PTCRA: variants seen among roughly 807,000 people sequenced by gnomAD.
The protein encoded by PTCRA is pre T cell antigen receptor alpha.
In PTCRA, 9 loss-of-function variants were observed where a neutral mutation model predicts 13.4. The ratio of observed to expected loss-of-function variants is 0.67; its 90% confidence interval spans 0.41 to 1.18. The LOEUF is 1.18. Ranked by LOEUF, PTCRA falls within the 50% of genes most tolerant of loss-of-function variation. PTCRA has a pLI of 0.01. For missense variants in PTCRA, 353 were observed against 359.8 expected (o/e 0.98, Z 0.15); for synonymous variants, 153 against 161.9 (o/e 0.94, Z 0.42).
chr6:42,922,964 C>T, intron 1 of PTCRA, 63 bp from the exon 2 acceptor site: 1 of 1,495,044 alleles, frequency 6.7e-7, no homozygotes, highest in Non-Finnish European at 9.3e-7. Context: ...TAGCCTACAA[C>T]ACAATGCTGG....
intron 1 of PTCRA, among the ~76,000 whole-genome samples, chr6:42,921,412 C>CTTTT (rs59029514): frequency 8.2e-5 from 7 of 85,632 alleles, no homozygotes; most frequent in East Asian, 3.4e-4. Context: ...AACAAAGCTT[C>CTTTT]TTTTTTTTTT....
At chr6:42,919,157 G>C (rs957412681) in intron 1 of PTCRA, among the ~76,000 whole-genome samples, 12 of 151,582 alleles carry the variant, frequency 7.9e-5, no homozygotes, top group Non-Finnish European at 8.8e-5. Context: ...CACCACGCCC[G>C]GCTAATTTTT....
In PTCRA at chr6:42,916,104, TTGGG is replaced by T; in HGVS notation, c.38_41del (p.Gly13ValfsTer154). ...ACATGGCTGCTACTTCTCCTGGCCC[TTGGG>T]TGTCCAGCCCTACCCACAGGTGAGC... On this transcript the variant is annotated frameshift_variant, in exon 1 of 4. Transcript: ENST00000304672. LOFTEE classifies it high-confidence loss of function. The T allele has an allele frequency of 6.2e-7, 1 of 1,614,062 alleles. No homozygotes were observed. The highest frequency in any genetic ancestry group is 8.5e-7 in the Non-Finnish European group (1 of 1,179,928).
chr6:42,921,200 A>G (rs1354596456), intron 1 of PTCRA, among the ~76,000 whole-genome samples: 1 of 149,794 alleles, frequency 6.7e-6, no homozygotes, highest in African/African-American at 2.5e-5. Context: ...CTCTGGGTTT[A>G]AGCGATTCTC....
chr6:42,922,995 T>G, intron 1 of PTCRA, 32 bp from the exon 2 acceptor site: 1 of 1,609,162 alleles, frequency 6.2e-7, no homozygotes, highest in Non-Finnish European at 8.5e-7. Context: ...CAAAAGCTGG[T>G]CTAGCACCCA....
At position 42,925,480 on chromosome 6, in the gene PTCRA, C is replaced by T. The variant is rs1319606423; in HGVS notation, c.644C>T (p.Pro215Leu). Reference protein sequence around the residue: ...REATSSPRPQPRDRRWGDTPP... With the variant: ...REATSSPRPQLRDRRWGDTPP... The stretch of plus-strand genomic sequence containing the variant: ...GCCACCAGCTCACCCAGACCCCAGC[C>T]TCGGGACCGCCGCTGGGGTGACACC... Residue 215 changes from proline to leucine, a missense_variant, in exon 4 of 4, where the codon CCT becomes CTT. Pro to Leu is a moderately conservative substitution (Grantham distance 98). Coordinates refer to ENST00000304672, the MANE Select transcript of PTCRA (RefSeq NM_138296.3). The surrounding 1 kb of genome is among the most constrained non-coding windows in gnomAD (Gnocchi z 4.4). The T allele has an allele frequency of 1.3e-6, 2 of 1,558,354 alleles. No homozygotes were observed. The highest frequency in any genetic ancestry group is 2.4e-5 in the East Asian group (1 of 41,598).
chr6:42,922,157 T>C, intron 1 of PTCRA: 1 of 688,344 alleles, frequency 1.5e-6, no homozygotes, highest in Non-Finnish European at 2.6e-6. Context: ...TAAATCAGAC[T>C]TTTAAAAAAA....
intron 1 of PTCRA, among the ~76,000 whole-genome samples, chr6:42,921,729 T>A (rs1767177356): frequency 7.7e-6 from 1 of 129,224 alleles, no homozygotes; most frequent in Non-Finnish European, 1.6e-5. Context: ...AAAGCTTTTT[T>A]TTTCAAAAAA....
chr6:42,922,180 T>C, intron 1 of PTCRA: 1 of 690,140 alleles, frequency 1.4e-6, no homozygotes, highest in Non-Finnish European at 2.6e-6. Context: ...AACAAAAAGT[T>C]ACAGATATAT....
chr6:42,916,161 C>T (rs1766868650), intron 1 of PTCRA, 34 bp downstream of exon 1: 1 of 1,602,710 alleles, frequency 6.2e-7, no homozygotes, highest in Non-Finnish European at 8.5e-7. Context: ...CTCTGTCCCT[C>T]CTCAGTCTGC....
chr6:42,922,596 C>T (rs1000475886), intron 1 of PTCRA, among the ~76,000 whole-genome samples: 2 of 151,908 alleles, frequency 1.3e-5, no homozygotes, highest in African/African-American at 2.4e-5. Flanking sequence ...AAAAATTAGC[C>T]GGGCGCTGTG....
chr6:42,921,898 G>A (rs1364290465), intron 1 of PTCRA, among the ~76,000 whole-genome samples: 1 of 151,750 alleles, frequency 6.6e-6, no homozygotes, highest in African/African-American at 2.4e-5. Context: ...AAATGAACTG[G>A]CTTGGTGGCG....
rs1767139832 is a variant in PTCRA at position 42,921,193 on chromosome 6, T to A, written c.59-1834T>A. Among the ~76,000 whole-genome samples, 5 of 151,000 alleles carry A rather than the reference T, an allele frequency of 3.3e-5. No individual in the cohort carries two copies. In the South Asian group the frequency reaches 1.1e-3, roughly 32 times the overall value. On this transcript the variant is annotated intron_variant, in intron 1 of 3. Coordinates refer to ENST00000304672, the MANE Select transcript of PTCRA (RefSeq NM_138296.3). The stretch of plus-strand genomic sequence containing the variant: ...CTTGGCTCACTGCAACCTCCGCCTC[T>A]GGGTTTAAGCGATTCTCCTGCTTCA...
intron 2 of PTCRA, 145 bp downstream of exon 2, chr6:42,923,492 CAG>C (rs1767291540): frequency 1.3e-6 from 1 of 763,192 alleles, no homozygotes; most frequent in South Asian, 1.8e-5. Context: ...CACCTGGGCT[CAG>C]GGGAGAGTGG....
At chr6:42,924,337 T>A in intron 3 of PTCRA, 64 bp downstream of exon 3, 1 of 1,448,658 alleles carries the variant, frequency 6.9e-7, no homozygotes, top group Non-Finnish European at 9.7e-7. Flanking sequence ...GCCCGGGGGG[T>A]GGGGCCTTCA....
chr6:42,922,997 T>C (rs1158029637), intron 1 of PTCRA, 30 bp from the exon 2 acceptor site: 1 of 1,610,152 alleles, frequency 6.2e-7, no homozygotes, highest in South Asian at 1.1e-5. Context: ...AAAGCTGGTC[T>C]AGCACCCACA....
rs1180153991 is a variant in PTCRA at position 42,925,178 on chromosome 6, G to A, written c.425-83G>A. 6.0e-6 allele frequency: 9 copies of A among 1,495,038 alleles called. No homozygotes were observed. The highest frequency in any genetic ancestry group is 7.1e-6 in the Non-Finnish European group (8 of 1,124,568). 92.6% of individuals were successfully genotyped at this position (1,495,038 alleles called of 1,614,324 possible). A position where few individuals can be genotyped will look rare whatever the true frequency, so the allele number is the denominator to read the frequency against. On this transcript the variant is annotated intron_variant, in intron 3 of 3. Coordinates refer to ENST00000304672, the MANE Select transcript of PTCRA (RefSeq NM_138296.3). The surrounding 1 kb of genome is among the most constrained non-coding windows in gnomAD (Gnocchi z 4.4). ...GGGGTGAAGGGGACGGGCAAGGGCA[G>A]AGGACAAGGCCCTCTCCGCCGTTCT...
chr6:42,922,513 A>C (rs11758978), intron 1 of PTCRA, among the ~76,000 whole-genome samples: 1 of 151,804 alleles, frequency 6.6e-6, no homozygotes, highest in Admixed American at 6.6e-5. Context: ...CTTTGGGAGG[A>C]CGAGGCGGGT....
At chr6:42,922,339 C>T (rs1767213117) in intron 1 of PTCRA, 1 of 682,230 alleles carries the variant, frequency 1.5e-6, no homozygotes, top group Non-Finnish European at 2.7e-6. Flanking sequence ...CAATGACTTA[C>T]CCAATGTTGT....
Sources: gnomAD v4.1 joint callset for allele counts (sites outside exome capture counted in the v4.1 genomes callset) on GRCh38, gnomAD v4.1.1 for gene constraint, Gnocchi (gnomAD v3.1) non-coding constraint, MANE v1.5 for transcripts, NCBI Gene and HGNC (gene_info 2026-07-23, HGNC 2026-07-21) for gene names.